Variants in ZPLD1 observed in about 807,000 individuals in gnomAD.
The protein encoded by ZPLD1 is zona pellucida like domain containing 1.
ZPLD1 carries 34 observed loss-of-function variants against 47.2 expected under a neutral mutation model. That is an observed-to-expected ratio of 0.72 (90% confidence interval 0.55 to 0.96). The LOEUF (loss-of-function observed/expected upper bound fraction) is 0.96. Among genes scored for constraint, ZPLD1 ranks in the 40% least tolerant of loss-of-function variants. The probability of loss-of-function intolerance (pLI) is 0.00; values close to 1 mark genes in which losing one functional copy is unlikely to be tolerated. For synonymous variants in ZPLD1, 176 were observed against 186.2 expected (o/e 0.95, Z 0.45); for missense variants, 512 against 505.8 (o/e 1.01, Z -0.12).
chr3:102,404,185 C>T (rs539024426), intron 7 of ZPLD1, among the ~76,000 whole-genome samples: 4 of 151,974 alleles, frequency 2.6e-5, no homozygotes, highest in African/African-American at 9.6e-5. Context: ...ACAATCTCAC[C>T]CACATTTCAG....
chr3:102,432,671 G>T (rs552206122), upstream of ZPLD1, among the ~76,000 whole-genome samples: 4 of 151,790 alleles, frequency 2.6e-5, no homozygotes, highest in African/African-American at 9.7e-5. Flanking sequence ...ACTTTTCTCA[G>T]GCACTAAGAG....
At position 102,462,294 on chromosome 3, in the gene ZPLD1, A is replaced by G; in HGVS notation, c.596A>G (p.Asn199Ser). Residue 199 changes from asparagine (N) to serine (S), a missense_variant, in exon 7 of 12, where the codon AAC (asparagine) becomes AGC (serine). Asn to Ser is a conservative substitution (Grantham distance 46, BLOSUM62 1). Coordinates refer to ENST00000466937, the MANE Select transcript of ZPLD1 (RefSeq NM_001329788.2). The stretch of plus-strand genomic sequence containing the variant: ...TTTCATCATTAGGATTCAACCTACA[A>G]CCAGCAGTTAATTATCCCCAGTATA... ...NLLLYNDSTY[N>S]QQLIIPSIGL... 1.2e-6 allele frequency: 2 copies of G among 1,609,264 alleles called. No homozygotes were observed. Among genetic ancestry groups the G allele is most frequent in the Non-Finnish European group, 1.7e-6 (2 of 1,177,258 alleles).
intron 7 of ZPLD1, among the ~76,000 whole-genome samples, chr3:102,392,549 TTCCTTCC>T (rs76759149): frequency 0.065 from 9,652 of 147,528 alleles, 490 homozygotes; most frequent in African/African-American, 0.15. Context: ...CCTCCCTCCC[TTCCTTCC>T]TCCTTCCTCC....
chr3:102,430,740 C>G (rs550780834), upstream of ZPLD1, among the ~76,000 whole-genome samples: 10 of 152,006 alleles, frequency 6.6e-5, no homozygotes, highest in Non-Finnish European at 1.5e-4. Context: ...GGCATTTTGT[C>G]CCTTGTGATT....
chr3:102,437,983 CT>C (rs1421477427), intron 2 of ZPLD1, among the ~76,000 whole-genome samples: 1 of 152,096 alleles, frequency 6.6e-6, no homozygotes, highest in Non-Finnish European at 1.5e-5. Context: ...TTGGGGGAGA[CT>C]TTTTTCTGTT....
At chr3:102,453,160 T>C (rs1576156731) in intron 4 of ZPLD1, 21 bp downstream of exon 4, 2 of 1,605,400 alleles carry the variant, frequency 1.2e-6, no homozygotes, top group South Asian at 2.2e-5. Flanking sequence ...TGTGACATTG[T>C]GTGCTAGGTC....
chr3:102,475,585 C>T (rs1707746968), intron 10 of ZPLD1, among the ~76,000 whole-genome samples: 2 of 152,160 alleles, frequency 1.3e-5, no homozygotes, highest in African/African-American at 2.4e-5. Flanking sequence ...AAGAATTGAT[C>T]ATAGTCCATT....
intron 7 of ZPLD1, among the ~76,000 whole-genome samples, chr3:102,396,868 T>C (rs1410122494): frequency 6.6e-6 from 1 of 152,134 alleles, no homozygotes. Context: ...GTTAAAAATA[T>C]GTACTCAAAA....
intron 10 of ZPLD1, among the ~76,000 whole-genome samples, 195 bp downstream of exon 10, chr3:102,470,697 T>C (rs1380350110): frequency 6.6e-6 from 1 of 151,398 alleles, no homozygotes; most frequent in Non-Finnish European, 1.5e-5. Context: ...ATATTGTCTT[T>C]ACTACGTTTC....
At chr3:102,414,778 A>T (rs557114631) in intron 7 of ZPLD1, among the ~76,000 whole-genome samples, 2 of 151,870 alleles carry the variant, frequency 1.3e-5, no homozygotes, top group African/African-American at 4.8e-5. Flanking sequence ...CCCAAAAAAA[A>T]CAAACAGATG....
At chr3:102,414,113 T>C (rs1257072038) in intron 7 of ZPLD1, among the ~76,000 whole-genome samples, 1 of 151,798 alleles carries the variant, frequency 6.6e-6, no homozygotes, top group African/African-American at 2.4e-5. Context: ...CACTTATTTA[T>C]ATCACCTTCC....
At chr3:102,428,081 T>C (rs1032148586) in intron 8 of ZPLD1, among the ~76,000 whole-genome samples, 5 of 152,170 alleles carry the variant, frequency 3.3e-5, no homozygotes, top group Non-Finnish European at 7.4e-5. Context: ...CAAACTCAAC[T>C]ATATAGTCTC....
At chr3:102,442,443 C>T (rs140257932) in intron 3 of ZPLD1, among the ~76,000 whole-genome samples, 4 of 151,718 alleles carry the variant, frequency 2.6e-5, no homozygotes, top group African/African-American at 4.8e-5. Flanking sequence ...ATCCAAATAA[C>T]GCTGAAGTCC....
intron 1 of ZPLD1, among the ~76,000 whole-genome samples, chr3:102,435,552 A>G (rs1707076800): frequency 6.6e-6 from 1 of 152,030 alleles, no homozygotes; most frequent in Non-Finnish European, 1.5e-5. Context: ...TGGCCTTGAA[A>G]CTAAGTTTTC....
chr3:102,433,752 A>C (rs1707046714), upstream of ZPLD1, among the ~76,000 whole-genome samples: 1 of 152,050 alleles, frequency 6.6e-6, no homozygotes, highest in Non-Finnish European at 1.5e-5. Context: ...GATGGTCTCG[A>C]TCTCCTGACC....
chr3:102,407,562 A>C (rs1706704916), intron 7 of ZPLD1, among the ~76,000 whole-genome samples: 1 of 150,234 alleles, frequency 6.7e-6, no homozygotes, highest in South Asian at 2.1e-4. Flanking sequence ...GTTCTCAAAA[A>C]ATTTCATTTC....
intron 10 of ZPLD1, among the ~76,000 whole-genome samples, chr3:102,475,389 T>C (rs2107360650): frequency 6.6e-6 from 1 of 152,316 alleles, no homozygotes; most frequent in Non-Finnish European, 1.5e-5. Flanking sequence ...CATAGCACTC[T>C]TGTCTTATTT....
At chr3:102,470,936 A>T (rs1015687194) in intron 10 of ZPLD1, among the ~76,000 whole-genome samples, 6 of 151,536 alleles carry the variant, frequency 4.0e-5, no homozygotes, top group Non-Finnish European at 8.8e-5. Flanking sequence ...CTGCCACCAT[A>T]CCTGGCTAAT....
intron 3 of ZPLD1, among the ~76,000 whole-genome samples, chr3:102,450,254 G>A (rs1297297413): frequency 6.6e-6 from 1 of 152,104 alleles, no homozygotes; most frequent in East Asian, 1.9e-4. Flanking sequence ...CCGTACTGAG[G>A]AATAATTTAC....
Sources: allele counts gnomAD v4.1 joint callset (sites outside exome capture counted in the v4.1 genomes callset), GRCh38; gene constraint gnomAD v4.1.1; transcripts MANE v1.5; gene names NCBI Gene and HGNC (gene_info 2026-07-23, HGNC 2026-07-21).